The following NOX4 variants were observed in gnomAD, a reference collection of about 807,000 sequenced individuals.
NOX4 encodes kidney oxidase-1.
NOX4 carries 69 observed loss-of-function variants against 87.6 expected under a neutral mutation model. The observed-to-expected ratio is 0.79, with a 90% CI of 0.65 to 0.96. The LOEUF is 0.96. Ranked by LOEUF, NOX4 falls within the 40% of genes least tolerant of loss-of-function variation. The pLI is 0.00. For synonymous variants in NOX4, 275 were observed against 238.2 expected (o/e 1.15, Z -1.42); for missense variants, 680 against 681.5 (o/e 1.00, Z 0.02).
chr11:89,428,422 G>T (rs1943572265), intron 7 of NOX4, among the ~76,000 whole-genome samples: 1 of 152,096 alleles, frequency 6.6e-6, no homozygotes, highest in Non-Finnish European at 1.5e-5. Context: ...GCACAGACTG[G>T]CAAACTGGAT....
intron 11 of NOX4, among the ~76,000 whole-genome samples, chr11:89,381,149 G>C (rs1940256937): frequency 6.6e-6 from 1 of 152,100 alleles, no homozygotes; most frequent in Non-Finnish European, 1.5e-5. Context: ...AAAAATGATG[G>C]CTAGTGCAGG....
chr11:89,407,647 T>C (rs977471554), intron 8 of NOX4, among the ~76,000 whole-genome samples: 18 of 152,120 alleles, frequency 1.2e-4, no homozygotes, highest in Admixed American at 4.6e-4. Context: ...TTTTGTTGTT[T>C]GTTTTGCTTT....
rs1945787492 is a variant in NOX4, at chr11:89,337,910, G to A, written c.1447-395C>T. Among the ~76,000 whole-genome samples, 3 of 151,960 alleles carry A rather than the reference G, an allele frequency of 2.0e-5. 1 individual carries two copies. In the South Asian group the frequency reaches 6.2e-4, roughly 32 times the overall value. ...ATTTTCTTGAGAAAAAAAGACAATAGTGATTTAATTTATGCATGCTAGCAA... is the reference window on the plus strand; with the variant it reads ...ATTTTCTTGAGAAAAAAAGACAATAATGATTTAATTTATGCATGCTAGCAA... On this transcript the variant is annotated intron_variant, in intron 15 of 17. Coordinates refer to ENST00000263317, the MANE Select transcript of NOX4 (RefSeq NM_016931.5).
chr11:89,375,247 A>C (rs1939750250), intron 11 of NOX4, among the ~76,000 whole-genome samples: 1 of 152,104 alleles, frequency 6.6e-6, no homozygotes, highest in African/African-American at 2.4e-5. Context: ...TGTATTATTA[A>C]AATTATTTTA....
chr11:89,382,677 C>T (rs1461077263), intron 11 of NOX4, among the ~76,000 whole-genome samples: 1 of 151,952 alleles, frequency 6.6e-6, no homozygotes, highest in African/African-American at 2.4e-5. Flanking sequence ...CTGAATCAGG[C>T]TCCAAATCTT....
At chr11:89,341,891 G>A (rs1019093530) in intron 14 of NOX4, among the ~76,000 whole-genome samples, 183 bp downstream of exon 14, 2 of 152,214 alleles carry the variant, frequency 1.3e-5, no homozygotes, top group African/African-American at 4.8e-5. Context: ...AAGAGAATAT[G>A]CTAGCAGCCA....
intron 12 of NOX4, among the ~76,000 whole-genome samples, chr11:89,361,821 A>G (rs1938547195): frequency 6.6e-6 from 1 of 152,058 alleles, no homozygotes; most frequent in South Asian, 2.1e-4. Context: ...TGTAGTTGAT[A>G]CAGAGAAGTA....
chr11:89,552,211 A>G, the NOX4 span, among the ~76,000 whole-genome samples: 1 of 152,152 alleles, frequency 6.6e-6, no homozygotes, highest in Non-Finnish European at 1.5e-5. Flanking sequence ...TGTTTGTTAT[A>G]TTTTACACAA....
rs891366262 is a variant in NOX4, at chr11:89,426,450, G to T, written c.549-4468C>A. 2.6e-5 allele frequency among the ~76,000 whole-genome samples: 4 copies of T among 151,830 alleles called. No individual in the cohort carries two copies. In the South Asian group the frequency reaches 6.2e-4, roughly 24 times the overall value. ...ATCGCCTCACCTGGGAAGCGCAAGG[G>T]GTCAAGGAATTCCCTTGGCTAGCCA... On this transcript the variant is annotated intron_variant, in intron 7 of 17. Transcript: ENST00000263317.
At chr11:89,388,027 C>A (rs1354485931) in intron 11 of NOX4, among the ~76,000 whole-genome samples, 1 of 152,154 alleles carries the variant, frequency 6.6e-6, no homozygotes, top group Non-Finnish European at 1.5e-5. Context: ...ACTTTGGTCA[C>A]TTCAACAGTC....
chr11:89,384,364 C>T lies in NOX4; in HGVS notation c.1075-10872G>A, dbSNP rs371616944. ...TGGGCTGTACTGCCACAAGGCTTCACGGACAGCCCCCATTACTTCCGTCAA... is the reference window on the plus strand; with the variant it reads ...TGGGCTGTACTGCCACAAGGCTTCATGGACAGCCCCCATTACTTCCGTCAA... On this transcript the variant is annotated intron_variant, in intron 11 of 17. Coordinates refer to ENST00000263317, the MANE Select transcript of NOX4 (RefSeq NM_016931.5). Among the ~76,000 whole-genome samples the T allele has an allele frequency of 1.2e-4, 19 of 152,284 alleles. No individual in the cohort carries two copies. In the East Asian group the frequency reaches 1.5e-3, roughly 12 times the overall value.
the NOX4 span, among the ~76,000 whole-genome samples, chr11:89,531,950 C>T: frequency 0.013 from 1,913 of 152,320 alleles, 40 homozygotes; most frequent in African/African-American, 0.044. Flanking sequence ...GTGCAAGCCC[C>T]AAGCCTTGGC....
chr11:89,411,750 A>G (rs1156324062), intron 8 of NOX4, among the ~76,000 whole-genome samples: 1 of 152,198 alleles, frequency 6.6e-6, no homozygotes, highest in Non-Finnish European at 1.5e-5. Context: ...ATGGAAGGAA[A>G]GAAGAAAGAG....
the NOX4 span, among the ~76,000 whole-genome samples, chr11:89,555,422 CTGCAATGAACCA>C: frequency 1.3e-5 from 2 of 152,090 alleles, no homozygotes; most frequent in African/African-American, 4.8e-5. Context: ...GATGTTGAGG[CTGCAATGAACCA>C]TGATTGCACC....
At position 89,324,806 on chromosome 11, in the gene NOX4, G is replaced by A. The variant is rs947278009; in HGVS notation, c.*1950C>T. ...ACTAGTTATTAAATATGCCTTCAGA[G>A]CTAAATCTGCATGAGCATTCCACAT... On this transcript the variant is annotated 3_prime_UTR_variant, in exon 18 of 18. Coordinates refer to ENST00000263317, the MANE Select transcript of NOX4 (RefSeq NM_016931.5). 2 of 152,132 alleles carry A rather than the reference G, an allele frequency of 1.3e-5. No homozygotes were observed. Among genetic ancestry groups the A allele is most frequent in the African/African-American group, 2.4e-5 (1 of 41,442 alleles). The allele number at this position is 152,132 out of a possible 1,614,324, so 9.4% of individuals were successfully genotyped here. A position where few individuals can be genotyped will look rare whatever the true frequency, so the allele number is the denominator to read the frequency against.
intron 11 of NOX4, among the ~76,000 whole-genome samples, chr11:89,384,778 G>A (rs1256069137): frequency 6.6e-6 from 1 of 152,030 alleles, no homozygotes; most frequent in African/African-American, 2.4e-5. Flanking sequence ...ACAAGAGCTG[G>A]GACCGCACCC....
intron 8 of NOX4, among the ~76,000 whole-genome samples, chr11:89,416,658 C>A (rs940868262): frequency 6.6e-6 from 1 of 152,166 alleles, no homozygotes; most frequent in African/African-American, 2.4e-5. Context: ...CCCTGTTAAA[C>A]TATCCGCCTA....
intron 6 of NOX4, among the ~76,000 whole-genome samples, 182 bp from the exon 7 acceptor site, chr11:89,433,038 T>G (rs1943891857): frequency 6.6e-6 from 1 of 152,182 alleles, no homozygotes; most frequent in Non-Finnish European, 1.5e-5. Context: ...AAATTAATTT[T>G]TGATTGACAG....
intron 17 of NOX4, among the ~76,000 whole-genome samples, chr11:89,327,546 C>A (rs1945272154): frequency 6.6e-6 from 1 of 152,044 alleles, no homozygotes; most frequent in African/African-American, 2.4e-5. Context: ...GTATCTCTAA[C>A]AAATAGACTA....
Sources: allele counts gnomAD v4.1 joint callset (sites outside exome capture counted in the v4.1 genomes callset), GRCh38; gene constraint gnomAD v4.1.1; transcripts MANE v1.5; gene names NCBI Gene and HGNC (gene_info 2026-07-23, HGNC 2026-07-21).